IL1RAPL2: variants seen among roughly 807,000 people sequenced by gnomAD.
IL1RAPL2 encodes the protein X-linked interleukin-1 receptor accessory protein-like 2.
In IL1RAPL2, 3 loss-of-function variants were observed where a neutral mutation model predicts 44.1. The ratio of observed to expected loss-of-function variants is 0.07; its 90% CI spans 0.03 to 0.18. The LOEUF (loss-of-function observed/expected upper bound fraction) is 0.18. Ranked by LOEUF, IL1RAPL2 falls within the 10% of genes least tolerant of loss-of-function variation. IL1RAPL2 has a pLI of 1.00. For synonymous variants in IL1RAPL2, 181 were observed against 178.8 expected (o/e 1.01, Z -0.10); for missense variants, 391 against 496.4 (o/e 0.79, Z 2.02).
chrX:104,866,929 A>G (rs1314193921), intron 2 of IL1RAPL2, among the ~76,000 whole-genome samples: 3 of 111,233 alleles, frequency 2.7e-5, no homozygotes, highest in Non-Finnish European at 5.6e-5. Flanking sequence ...TATATAGCAA[A>G]GATTCCTCAC....
chrX:105,119,232 A>G (rs1229088958), intron 2 of IL1RAPL2, among the ~76,000 whole-genome samples: 1 of 111,332 alleles, frequency 9.0e-6, no homozygotes, highest in Non-Finnish European at 1.9e-5. Flanking sequence ...TTGAATACAA[A>G]TTGAAGTATA....
intron 5 of IL1RAPL2, among the ~76,000 whole-genome samples, chrX:105,325,253 C>T (rs758080567): frequency 7.3e-4 from 81 of 110,628 alleles, no homozygotes; most frequent in Non-Finnish European, 1.4e-3. Context: ...TGTCTCTATA[C>T]ATTAGCCTTT....
At chrX:105,508,269 A>G (rs2036445117) in intron 6 of IL1RAPL2, among the ~76,000 whole-genome samples, 1 of 110,961 alleles carries the variant, frequency 9.0e-6, no homozygotes, top group Non-Finnish European at 1.9e-5. Context: ...TCCATTCAGT[A>G]CTTCAGTCTA....
chrX:104,601,057 C>A (rs747986867), intron 1 of IL1RAPL2, among the ~76,000 whole-genome samples: 3 of 111,025 alleles, frequency 2.7e-5, no homozygotes, highest in African/African-American at 9.8e-5. Context: ...AGTAAATAAC[C>A]CATTATTTAT....
At chrX:104,635,353 G>A (rs1205681079) in intron 1 of IL1RAPL2, among the ~76,000 whole-genome samples, 1 of 109,856 alleles carries the variant, frequency 9.1e-6, no homozygotes, top group Non-Finnish European at 1.9e-5. Context: ...GTATCTTTGT[G>A]GCGTTCTCTG....
At chrX:105,617,007 A>G (rs1346556541) in intron 6 of IL1RAPL2, among the ~76,000 whole-genome samples, 2 of 110,230 alleles carry the variant, frequency 1.8e-5, no homozygotes. Flanking sequence ...TTCCCCATAC[A>G]TAAAATGGGG....
rs969226449 is a variant in IL1RAPL2 at position 105,406,329 on chromosome X, C to A, written c.698-77984C>A. 4 of 1,064,673 alleles carry A rather than the reference C, an allele frequency of 3.8e-6. No individual in the cohort carries two copies. In the Admixed American group the frequency reaches 8.7e-5, roughly 23 times the overall value. The allele number at this position is 1,064,673 out of a possible 1,213,427, so 87.7% of individuals were successfully genotyped here. On this transcript the variant is annotated intron_variant, in intron 5 of 10. Coordinates refer to ENST00000372582, the MANE Select transcript of IL1RAPL2 (RefSeq NM_017416.2). ...GAGTACTTTGAACCCATTTTGAACT[C>A]CTTGCGTCATGGACAGCTCATTGTA... is the stretch of plus-strand genomic sequence containing the variant.
chrX:105,101,266 A>T (rs1470575538), intron 2 of IL1RAPL2, among the ~76,000 whole-genome samples: 1 of 111,943 alleles, frequency 8.9e-6, no homozygotes, highest in Non-Finnish European at 1.9e-5. Flanking sequence ...CTGTCATTAA[A>T]CTGGGATAAG....
At chrX:104,910,128 C>G (rs183403279) in intron 2 of IL1RAPL2, among the ~76,000 whole-genome samples, 1 of 112,179 alleles carries the variant, frequency 8.9e-6, no homozygotes, top group Non-Finnish European at 1.9e-5. Flanking sequence ...AGGTGCCGTC[C>G]GTCACCCCTG....
At chrX:104,947,498 A>C (rs1310227531) in intron 2 of IL1RAPL2, among the ~76,000 whole-genome samples, 4 of 102,801 alleles carry the variant, frequency 3.9e-5, no homozygotes, top group Admixed American at 1.1e-4. Context: ...GCCCACGCCT[A>C]TGTCCTGAAT....
chrX:105,391,842 G>A (rs2035525857), intron 5 of IL1RAPL2, among the ~76,000 whole-genome samples: 1 of 84,871 alleles, frequency 1.2e-5, no homozygotes, highest in Non-Finnish European at 2.3e-5. Context: ...CATGTCCTTT[G>A]TAGGGACATG....
intron 6 of IL1RAPL2, among the ~76,000 whole-genome samples, chrX:105,618,205 G>A (rs779131306): frequency 9.2e-6 from 1 of 108,729 alleles, no homozygotes; most frequent in East Asian, 2.9e-4. Flanking sequence ...GGAAAAAAGA[G>A]TATATGAGTC....
intron 2 of IL1RAPL2, among the ~76,000 whole-genome samples, chrX:104,943,060 G>A (rs1250300167): frequency 1.8e-5 from 2 of 111,558 alleles, no homozygotes; most frequent in Non-Finnish European, 3.8e-5. Context: ...GTTCGTGGTG[G>A]ATAAGCTTTT....
At chrX:105,110,638 T>C (rs893147197) in intron 2 of IL1RAPL2, among the ~76,000 whole-genome samples, 1 of 111,601 alleles carries the variant, frequency 9.0e-6, no homozygotes, top group Non-Finnish European at 1.9e-5. Flanking sequence ...TGCAACCTGT[T>C]TTGTAAAAAT....
At chrX:104,611,560 G>A (rs1458063260) in intron 1 of IL1RAPL2, among the ~76,000 whole-genome samples, 3 of 111,199 alleles carry the variant, frequency 2.7e-5, no homozygotes, top group African/African-American at 9.8e-5. Context: ...ATTTCAAGCC[G>A]GGCACGGTGG....
intron 6 of IL1RAPL2, among the ~76,000 whole-genome samples, chrX:105,507,119 G>A (rs2036436167): frequency 9.0e-6 from 1 of 111,350 alleles, no homozygotes; most frequent in South Asian, 3.7e-4. Context: ...ACAGAAATTG[G>A]GCTCTGGCTA....
At position 105,477,300 on chromosome X, in the gene IL1RAPL2, G is replaced by A. The variant is rs772874680; in HGVS notation, c.698-7013G>A. The stretch of plus-strand genomic sequence containing the variant: ...TCCTGGATAATCATCTAAATTACGG[G>A]ACTCTCAGCCTGGTAATTCTAGAAA... On this transcript the variant is annotated intron_variant, in intron 5 of 10. Transcript: ENST00000372582. Among the ~76,000 whole-genome samples, 6 of 111,310 alleles carry A rather than the reference G, an allele frequency of 5.4e-5. No individual in the cohort carries two copies. The South Asian group carries it at 2.3e-3, about 42-fold the overall frequency.
chrX:105,025,009 G>C (rs182250503), intron 2 of IL1RAPL2, among the ~76,000 whole-genome samples: 30 of 109,344 alleles, frequency 2.7e-4, no homozygotes, highest in Non-Finnish European at 5.4e-4. Context: ...TTTCTCTGTG[G>C]TGACATTTGG....
At chrX:105,512,202 T>C (rs1411130309) in intron 6 of IL1RAPL2, among the ~76,000 whole-genome samples, 1 of 111,310 alleles carries the variant, frequency 9.0e-6, no homozygotes, top group African/African-American at 3.3e-5. Flanking sequence ...GGTATTGTAA[T>C]TGGACACAGG....
Sources: allele counts gnomAD v4.1 joint callset (sites outside exome capture counted in the v4.1 genomes callset), GRCh38; gene constraint gnomAD v4.1.1; transcripts MANE v1.5; gene names NCBI Gene and HGNC (gene_info 2026-07-23, HGNC 2026-07-21).